C1orf21: variants seen among roughly 807,000 people sequenced by gnomAD.
C1orf21 encodes chromosome 1 open reading frame 21.
Under a neutral mutation model 18.7 loss-of-function variants are expected in C1orf21, and 3 were observed. The observed-to-expected ratio is 0.16, with a 90% CI of 0.07 to 0.42. C1orf21 has a LOEUF of 0.42. C1orf21 is among the 10% of genes least tolerant of loss of function. The pLI is 0.99. For synonymous variants in C1orf21, 41 were observed against 46.4 expected (o/e 0.88, Z 0.47); for missense variants, 104 against 143.6 (o/e 0.72, Z 1.41).
Position 184,392,354 on chromosome 1 carries a change from C to T in C1orf21, c.-125+4986C>T, listed in dbSNP as rs1655981595. On this transcript the variant is annotated intron_variant, in intron 1 of 5. Transcript: ENST00000235307. ...TTTATTAGATTCACTGCTGCTCCCT[C>T]TAAGATAACCTGAATAAAGCAGGAG... 5.3e-5 allele frequency among the ~76,000 whole-genome samples: 8 copies of T among 152,150 alleles called. No individual in the cohort carries two copies. The South Asian group carries it at 1.7e-3, about 32-fold the overall frequency.
chr1:184,391,240 G>A (rs1655967063), intron 1 of C1orf21, among the ~76,000 whole-genome samples: 1 of 152,140 alleles, frequency 6.6e-6, no homozygotes, highest in African/African-American at 2.4e-5. Flanking sequence ...CCAGTCACCA[G>A]GTATTAAGAA....
intron 1 of C1orf21, among the ~76,000 whole-genome samples, chr1:184,429,837 G>T (rs1656705631): frequency 6.6e-6 from 1 of 152,078 alleles, no homozygotes; most frequent in Non-Finnish European, 1.5e-5. Flanking sequence ...GGCTGGGCAT[G>T]CTGGCTTACA....
At chr1:184,404,098 G>A (rs1452075973) in intron 1 of C1orf21, among the ~76,000 whole-genome samples, 1 of 152,044 alleles carries the variant, frequency 6.6e-6, no homozygotes, top group Non-Finnish European at 1.5e-5. Flanking sequence ...AATTAGATAT[G>A]GTCTACATTT....
At chr1:184,578,480 C>G (rs1659226219) in intron 3 of C1orf21, among the ~76,000 whole-genome samples, 1 of 152,154 alleles carries the variant, frequency 6.6e-6, no homozygotes, top group Middle Eastern at 3.2e-3. Flanking sequence ...GATTTTGTCT[C>G]TCTTCTATTT....
At chr1:184,501,683 A>G (rs535191280) in intron 2 of C1orf21, among the ~76,000 whole-genome samples, 1 of 152,230 alleles carries the variant, frequency 6.6e-6, no homozygotes, top group Non-Finnish European at 1.5e-5. Context: ...TTGTTGAAGT[A>G]AAGAAGAAAC....
chr1:184,615,399 C>T (rs916755529), intron 5 of C1orf21, among the ~76,000 whole-genome samples: 1 of 152,110 alleles, frequency 6.6e-6, no homozygotes, highest in East Asian at 1.9e-4. Flanking sequence ...TCCCAGCTTT[C>T]GAGGGCCTCC....
chr1:184,489,266 A>G (rs111681885), intron 2 of C1orf21, among the ~76,000 whole-genome samples: 1 of 152,226 alleles, frequency 6.6e-6, no homozygotes, highest in East Asian at 1.9e-4. Flanking sequence ...TAACATACCA[A>G]TTGAAAAATG....
intron 1 of C1orf21, among the ~76,000 whole-genome samples, chr1:184,391,582 T>G (rs963267362): frequency 6.6e-6 from 1 of 152,256 alleles, no homozygotes; most frequent in African/African-American, 2.4e-5. Context: ...TGGACTTAAG[T>G]TTTAATAAAT....
intron 3 of C1orf21, among the ~76,000 whole-genome samples, chr1:184,529,357 T>C (rs1213913314): frequency 1.3e-5 from 2 of 152,126 alleles, no homozygotes; most frequent in Non-Finnish European, 2.9e-5. Context: ...TTTGAGCAAA[T>C]AGACTTCAGC....
chr1:184,512,411 C>T (rs1423108703), intron 3 of C1orf21, among the ~76,000 whole-genome samples: 1 of 152,204 alleles, frequency 6.6e-6, no homozygotes, highest in Non-Finnish European at 1.5e-5. Context: ...GACCTCCAGT[C>T]TCTTGAGCCT....
intron 5 of C1orf21, among the ~76,000 whole-genome samples, chr1:184,605,561 A>T (rs1659636751): frequency 6.6e-6 from 1 of 152,158 alleles, no homozygotes; most frequent in African/African-American, 2.4e-5. Context: ...GCAGCGTAGC[A>T]GGTATAGAGC....
At chr1:184,590,545 A>G (rs1970391) in intron 3 of C1orf21, among the ~76,000 whole-genome samples, 194 bp from the exon 4 acceptor site, 14,941 of 152,216 alleles carry the variant, frequency 0.098, 869 homozygotes, top group African/African-American at 0.16. Context: ...TTCACTTTTC[A>G]TAGCAGTGCT....
At chr1:184,589,170 C>T (rs751358692) in intron 3 of C1orf21, among the ~76,000 whole-genome samples, 2 of 152,082 alleles carry the variant, frequency 1.3e-5, no homozygotes, top group Non-Finnish European at 2.9e-5. Context: ...CAAAGAGTTG[C>T]GGAAATTATG....
intron 5 of C1orf21, among the ~76,000 whole-genome samples, chr1:184,616,870 C>T (rs1303198953): frequency 6.6e-6 from 1 of 152,120 alleles, no homozygotes; most frequent in Admixed American, 6.5e-5. Context: ...AGAGGGACTT[C>T]GGTTTCTGCC....
chr1:184,540,440 GTT>G (rs375846605), intron 3 of C1orf21, among the ~76,000 whole-genome samples: 1 of 145,296 alleles, frequency 6.9e-6, no homozygotes. Flanking sequence ...TGTTTGTTTT[GTT>G]TTTTTTTTTG....
chr1:184,412,598 CA>C (rs1388453169), intron 1 of C1orf21, among the ~76,000 whole-genome samples: 1 of 152,064 alleles, frequency 6.6e-6, no homozygotes, highest in African/African-American at 2.4e-5. Context: ...CTATCAGTCA[CA>C]AGATTCTGTT....
intron 1 of C1orf21, among the ~76,000 whole-genome samples, chr1:184,432,794 C>T (rs1166972267): frequency 1.3e-5 from 2 of 152,104 alleles, no homozygotes; most frequent in Non-Finnish European, 2.9e-5. Flanking sequence ...AAATGGAGAA[C>T]ATGAGAGGCT....
intron 3 of C1orf21, among the ~76,000 whole-genome samples, chr1:184,576,884 A>G (rs1178287307): frequency 3.9e-5 from 6 of 152,194 alleles, no homozygotes; most frequent in Admixed American, 3.9e-4. Context: ...GGGATCTGGC[A>G]GAGGTGCACG....
intron 1 of C1orf21, among the ~76,000 whole-genome samples, chr1:184,431,137 C>T (rs1656756803): frequency 6.6e-6 from 1 of 151,882 alleles, no homozygotes; most frequent in Non-Finnish European, 1.5e-5. Context: ...TCATATGGAA[C>T]CAAAAAAGAG....
Sources: gnomAD v4.1 joint callset for allele counts (sites outside exome capture counted in the v4.1 genomes callset) on GRCh38, gnomAD v4.1.1 for gene constraint, MANE v1.5 for transcripts, NCBI Gene and HGNC (gene_info 2026-07-23, HGNC 2026-07-21) for gene names.